Variants in KIAA2012 observed in about 807,000 individuals in gnomAD.
The protein encoded by KIAA2012 is KIAA2012, also known as uncharacterized protein KIAA2012.
A neutral mutation model predicts 150.6 loss-of-function variants in KIAA2012; 125 were observed. The ratio of observed to expected loss-of-function variants is 0.83; its 90% confidence interval spans 0.72 to 0.96. The LOEUF is 0.96. Among genes scored for constraint, KIAA2012 ranks in the 40% least tolerant of loss-of-function variants. The pLI, the probability that KIAA2012 is intolerant of heterozygous loss-of-function variation, is 0.00. For missense variants in KIAA2012, 1,219 were observed against 1,354.9 expected (o/e 0.90, Z 1.57); for synonymous variants, 462 against 504.7 (o/e 0.92, Z 1.13).
At chr2:202,087,338 C>T (rs1689594727) in intron 2 of KIAA2012, among the ~76,000 whole-genome samples, 1 of 151,830 alleles carries the variant, frequency 6.6e-6, no homozygotes, top group South Asian at 2.1e-4. Flanking sequence ...CATGGTGAAA[C>T]CCTGTCTCTA....
intron 8 of KIAA2012, 114 bp from the exon 9 acceptor site, chr2:202,105,647 T>C: frequency 7.3e-7 from 1 of 1,376,752 alleles, no homozygotes; most frequent in Non-Finnish European, 9.7e-7. Context: ...AAATGGACAC[T>C]GCTCCAACCA....
Position 202,198,581 on chromosome 2 carries a change from C to T in KIAA2012, c.3407+1562C>T, listed in dbSNP as rs376056173. On this transcript the variant is annotated intron_variant, in intron 22 of 23. Transcript: ENST00000498697. ...CACTAGTGATTATCATTGCATCTTT[C>T]TGATAATAAAAACTGAGGTATGTAT... Among the ~76,000 whole-genome samples, 45 of 152,276 alleles carry T rather than the reference C, an allele frequency of 3.0e-4. 1 individual carries two copies. Among genetic ancestry groups the T allele is most frequent in the African/African-American group, 1.1e-3 (44 of 41,566 alleles).
At chr2:202,144,789 C>T (rs7583323) in intron 13 of KIAA2012, among the ~76,000 whole-genome samples, 2 of 152,084 alleles carry the variant, frequency 1.3e-5, no homozygotes, top group African/African-American at 2.4e-5. Context: ...ACCAGAAGTT[C>T]GAAACTAGCC....
chr2:202,132,560 G>A (rs72938580), intron 12 of KIAA2012, among the ~76,000 whole-genome samples: 52,387 of 150,832 alleles, frequency 0.35, 9,364 homozygotes, highest in East Asian at 0.59. Context: ...CCAGCTACGC[G>A]GGAGGGGTAC....
chr2:202,189,846 C>T (rs1441114274), intron 18 of KIAA2012, among the ~76,000 whole-genome samples: 2 of 152,024 alleles, frequency 1.3e-5, no homozygotes, highest in Non-Finnish European at 2.9e-5. Flanking sequence ...AATCCCATCA[C>T]TTTGGGAGGC....
intron 17 of KIAA2012, 36 bp downstream of exon 17, chr2:202,187,134 C>G: frequency 1.3e-6 from 2 of 1,544,406 alleles, no homozygotes; most frequent in Non-Finnish European, 1.7e-6. Context: ...GTCCAAAAGC[C>G]CTACTTGGAT....
In KIAA2012 at chr2:202,194,943, T is replaced by C. The variant is rs143195608; in HGVS notation, c.3187+581T>C. On this transcript the variant is annotated intron_variant, in intron 21 of 23. Transcript: ENST00000498697. ...GCCACCATGCACAGATAATTTTTTGTATTTTTAGTAAAGATGGGGTTTCAC... is the reference window on the plus strand; with the variant it reads ...GCCACCATGCACAGATAATTTTTTGCATTTTTAGTAAAGATGGGGTTTCAC... Among the ~76,000 whole-genome samples the C allele has an allele frequency of 5.7e-4, 86 of 151,962 alleles. 2 individuals carry two copies. Among genetic ancestry groups the C allele is most frequent in the African/African-American group, 2.0e-3 (84 of 41,478 alleles).
rs1691055955 is a variant in KIAA2012 at position 202,136,207 on chromosome 2, T to A, written c.1832-2225T>A. 1.7e-5 allele frequency: 3 copies of A among 174,604 alleles called. No homozygotes were observed. In the South Asian group the frequency reaches 3.4e-4, roughly 20 times the overall value. The allele number at this position is 174,604 out of a possible 1,614,324, so 10.8% of individuals were successfully genotyped here. The stretch of plus-strand genomic sequence containing the variant: ...AAGCTGCAGACCTTCATGGTGAGTG[T>A]TACAGGTCTTAAAGGCAGCACGTCT... On this transcript the variant is annotated intron_variant, in intron 12 of 23. Transcript: ENST00000498697.
rs1478963739 is a variant in KIAA2012, at chr2:202,144,945, C to G, written c.1908+6437C>G. The stretch of plus-strand genomic sequence containing the variant: ...AGATGGAAGTTCAACTGATATTTTC[C>G]CCACAACTCACACAATCTCTGGGCA... On this transcript the variant is annotated intron_variant, in intron 13 of 23. Coordinates refer to ENST00000498697, the MANE Select transcript of KIAA2012 (RefSeq NM_001277372.4). 1.4e-4 allele frequency among the ~76,000 whole-genome samples: 21 copies of G among 152,132 alleles called. 1 individual carries two copies. Among genetic ancestry groups the G allele is most frequent in the Admixed American group, 1.4e-3 (21 of 15,272 alleles).
intron 11 of KIAA2012, among the ~76,000 whole-genome samples, chr2:202,123,093 A>C (rs1690693583): frequency 6.6e-6 from 1 of 152,128 alleles, no homozygotes; most frequent in African/African-American, 2.4e-5. Flanking sequence ...GAAATGGTTG[A>C]GCTTCCTAGC....
intron 18 of KIAA2012, among the ~76,000 whole-genome samples, chr2:202,189,690 A>G (rs947027735): frequency 2.0e-5 from 3 of 152,072 alleles, no homozygotes; most frequent in African/African-American, 7.2e-5. Flanking sequence ...TCTTCCCAAA[A>G]CACTTGGGGT....
intron 9 of KIAA2012, 158 bp downstream of exon 9, chr2:202,106,068 C>T (rs967275995): frequency 7.2e-6 from 11 of 1,523,634 alleles, no homozygotes; most frequent in Non-Finnish European, 9.7e-6. Flanking sequence ...CAGCAGCTGC[C>T]TTCACCAAAG....
chr2:202,073,850 T>C (rs1350048000), intron 1 of KIAA2012, 139 bp downstream of exon 1: 14 of 672,234 alleles, frequency 2.1e-5, no homozygotes, highest in Non-Finnish European at 3.0e-5. Flanking sequence ...TCTTCCTTCC[T>C]CCTTCATGAA....
intron 7 of KIAA2012, among the ~76,000 whole-genome samples, chr2:202,102,437 A>G (rs555873055): frequency 6.6e-6 from 1 of 152,224 alleles, no homozygotes; most frequent in East Asian, 1.9e-4. Context: ...CAACAACCTT[A>G]TAAGGTAAGT....
chr2:202,099,573 G>T, intron 5 of KIAA2012, 40 bp from the exon 6 acceptor site: 1 of 1,496,236 alleles, frequency 6.7e-7, no homozygotes. Flanking sequence ...GCCCCTTTAT[G>T]ACAGCCTGTT....
At position 202,074,927 on chromosome 2, in the gene KIAA2012, C is replaced by A. The variant is rs1465338329; in HGVS notation, c.121C>A (p.Pro41Thr). ...CTGGAGGTCCCCAGAAGACTATGTTCCTGTCAGCAAACCTCAAGATAAGAA... is the reference window on the plus strand; with the variant it reads ...CTGGAGGTCCCCAGAAGACTATGTTACTGTCAGCAAACCTCAAGATAAGAA... Reference protein sequence around the residue: ...LNWRSPEDYVPVSKPQDKNNA... With the variant: ...LNWRSPEDYVTVSKPQDKNNA... Residue 41 changes from proline (P) to threonine (T), a missense_variant, in exon 2 of 24, where the codon CCT (proline) becomes ACT (threonine). Coordinates refer to ENST00000498697, the MANE Select transcript of KIAA2012 (RefSeq NM_001277372.4). 1 of 1,550,584 alleles carries A rather than the reference C, an allele frequency of 6.4e-7. No homozygotes were observed. Among genetic ancestry groups the A allele is most frequent in the East Asian group, 2.4e-5 (1 of 40,930 alleles).
At chr2:202,097,177 T>A (rs1166664806) in intron 4 of KIAA2012, among the ~76,000 whole-genome samples, 1 of 152,224 alleles carries the variant, frequency 6.6e-6, no homozygotes, top group African/African-American at 2.4e-5. Flanking sequence ...ATCCCCATTT[T>A]ACAGATTGGG....
intron 17 of KIAA2012, 25 bp from the exon 18 acceptor site, chr2:202,188,127 C>G (rs1692264006): frequency 6.6e-7 from 1 of 1,523,042 alleles, no homozygotes; most frequent in Admixed American, 2.0e-5. Context: ...TATTATGGTC[C>G]CCTTCCTTGA....
At chr2:202,126,928 T>C (rs77319662) in intron 12 of KIAA2012, among the ~76,000 whole-genome samples, 13,793 of 152,160 alleles carry the variant, frequency 0.091, 848 homozygotes, top group South Asian at 0.24. Context: ...GGCAATTCCA[T>C]CTGACAATAT....
Sources: allele counts gnomAD v4.1 joint callset (sites outside exome capture counted in the v4.1 genomes callset), GRCh38; gene constraint gnomAD v4.1.1; transcripts MANE v1.5; gene names NCBI Gene and HGNC (gene_info 2026-07-23, HGNC 2026-07-21).